Variants in LINGO2 observed in about 807,000 individuals in gnomAD.
LINGO2 encodes leucine-rich repeat and immunoglobulin-like domain-containing nogo receptor-interacting protein 2.
LINGO2 carries 14 observed loss-of-function variants against 30.6 expected under a neutral mutation model. The ratio of observed to expected loss-of-function variants is 0.46; its 90% confidence interval spans 0.30 to 0.72. LINGO2 has a LOEUF of 0.72. Among genes scored for constraint, LINGO2 ranks in the 30% least tolerant of loss-of-function variants. LINGO2 has a pLI of 0.07. For synonymous variants in LINGO2, 317 were observed against 288.5 expected, an observed-to-expected ratio of 1.10 and a Z score of -1.00; for missense variants, 729 against 751.7, an observed-to-expected ratio of 0.97 and a Z score of 0.35.
chr9:29,052,075 A>G, the LINGO2 span, among the ~76,000 whole-genome samples: 1 of 152,150 alleles, frequency 6.6e-6, no homozygotes, highest in Non-Finnish European at 1.5e-5. Context: ...CCTATGGTTC[A>G]ACTTAATACA....
the LINGO2 span, among the ~76,000 whole-genome samples, chr9:29,104,550 G>A: frequency 1.3e-5 from 2 of 152,148 alleles, no homozygotes; most frequent in East Asian, 3.9e-4. Flanking sequence ...CTTTATAGCA[G>A]CATGAGAATG....
chr9:28,434,961 C>T lies in LINGO2; in HGVS notation c.-279+40979G>A, dbSNP rs191751488. On this transcript the variant is annotated intron_variant, in intron 2 of 5. Coordinates refer to ENST00000379992, the Ensembl canonical transcript of LINGO2. The stretch of plus-strand genomic sequence containing the variant: ...TTAGAGTATTCCAGGCTCTCTCAAT[C>T]GACTATAACCTCTACATTTTTCTTC... Among the ~76,000 whole-genome samples the T allele has an allele frequency of 9.9e-5, 15 of 152,166 alleles. No individual in the cohort carries two copies. In the East Asian group the frequency reaches 1.4e-3, roughly 14 times the overall value.
chr9:28,877,819 T>C, the LINGO2 span, among the ~76,000 whole-genome samples: 1 of 152,182 alleles, frequency 6.6e-6, no homozygotes, highest in Non-Finnish European at 1.5e-5. Flanking sequence ...GGGGATGGCA[T>C]TGAATCTATA....
the LINGO2 span, among the ~76,000 whole-genome samples, chr9:28,815,190 A>G: frequency 6.6e-6 from 1 of 152,212 alleles, no homozygotes; most frequent in Non-Finnish European, 1.5e-5. Flanking sequence ...GCACCTCACA[A>G]CCCAACCAAG....
chr9:28,809,638 C>A, the LINGO2 span, among the ~76,000 whole-genome samples: 1 of 149,342 alleles, frequency 6.7e-6, no homozygotes, highest in Admixed American at 6.8e-5. Flanking sequence ...TCCAGCTACT[C>A]GGGAAGCTGA....
chr9:28,697,817 A>G, the LINGO2 span, among the ~76,000 whole-genome samples: 2 of 152,008 alleles, frequency 1.3e-5, no homozygotes, highest in Non-Finnish European at 2.9e-5. Context: ...TATTGCTGCA[A>G]TATTTTATAA....
chr9:28,363,013 T>C (rs1302191471), intron 3 of LINGO2, among the ~76,000 whole-genome samples: 1 of 152,142 alleles, frequency 6.6e-6, no homozygotes, highest in East Asian at 1.9e-4. Flanking sequence ...CTTCCCCTTC[T>C]CCAGCATAAT....
At chr9:28,075,575 A>C (rs75854806) in intron 4 of LINGO2, among the ~76,000 whole-genome samples, 4,398 of 152,044 alleles carry the variant, frequency 0.029, 121 homozygotes, top group Admixed American at 0.081. Flanking sequence ...TTTGTTAATA[A>C]AATTTTAAAA....
intron 4 of LINGO2, among the ~76,000 whole-genome samples, chr9:28,020,730 C>T (rs570953369): frequency 8.8e-4 from 134 of 152,102 alleles, no homozygotes; most frequent in Non-Finnish European, 1.7e-3. Context: ...CAGAGGTAAG[C>T]CTATTCAGAT....
At chr9:28,861,252 A>AATATTATATAAAATATATAATATTTAT in the LINGO2 span, among the ~76,000 whole-genome samples, 52 of 119,946 alleles carry the variant, frequency 4.3e-4, no homozygotes, top group African/African-American at 1.6e-3. Flanking sequence ...TTTTTTATAC[A>AATATTATATAAAATATATAATATTTAT]ATATTATATA....
chr9:28,299,466 T>C (rs1393901712), intron 3 of LINGO2, among the ~76,000 whole-genome samples: 1 of 152,026 alleles, frequency 6.6e-6, no homozygotes, highest in African/African-American at 2.4e-5. Context: ...TTTCTATTCA[T>C]TTAGTCTGAT....
chr9:28,398,227 C>G (rs10968560), intron 2 of LINGO2, among the ~76,000 whole-genome samples: 1 of 151,980 alleles, frequency 6.6e-6, no homozygotes, highest in Non-Finnish European at 1.5e-5. Flanking sequence ...ATGATATATA[C>G]GGGGACTCTG....
At chr9:28,768,438 T>C in the LINGO2 span, among the ~76,000 whole-genome samples, 1 of 152,178 alleles carries the variant, frequency 6.6e-6, no homozygotes, top group East Asian at 1.9e-4. Context: ...TGTAGCAGAC[T>C]GTTCCAGGGT....
At chr9:28,512,003 A>C (rs927915357) in intron 1 of LINGO2, among the ~76,000 whole-genome samples, 4 of 152,048 alleles carry the variant, frequency 2.6e-5, no homozygotes, top group Non-Finnish European at 5.9e-5. Flanking sequence ...ACTCCCCATG[A>C]GGTCATCAGT....
chr9:28,677,690 T>C, the LINGO2 span, among the ~76,000 whole-genome samples: 3 of 152,196 alleles, frequency 2.0e-5, no homozygotes, highest in African/African-American at 7.2e-5. Flanking sequence ...CATATTCATA[T>C]TCATTAAAGC....
chr9:28,912,898 A>C, the LINGO2 span, among the ~76,000 whole-genome samples: 1 of 152,148 alleles, frequency 6.6e-6, no homozygotes, highest in Non-Finnish European at 1.5e-5. Context: ...GATTGTGTGG[A>C]ATCTAGTGAA....
At chr9:28,762,108 G>A in the LINGO2 span, among the ~76,000 whole-genome samples, 7 of 151,976 alleles carry the variant, frequency 4.6e-5, no homozygotes, top group African/African-American at 4.8e-5. Flanking sequence ...TTGCATTCCT[G>A]CTTTCTAAAG....
Position 28,048,266 on chromosome 9 carries a change from A to G in LINGO2, c.-86-35861T>C, listed in dbSNP as rs543293987. On this transcript the variant is annotated intron_variant, in intron 4 of 5. Coordinates refer to ENST00000379992, the Ensembl canonical transcript of LINGO2. ...GAAACTCGGGAAACACATTGCCCCA[A>G]CTAAATCTATAAATACAGAAAGCCT... Among the ~76,000 whole-genome samples the G allele has an allele frequency of 8.1e-4, 122 of 151,164 alleles. 4 individuals are homozygous for G. Among genetic ancestry groups the G allele is most frequent in the African/African-American group, 2.9e-3 (120 of 41,016 alleles).
At chr9:28,696,939 C>T in the LINGO2 span, among the ~76,000 whole-genome samples, 1 of 151,666 alleles carries the variant, frequency 6.6e-6, no homozygotes, top group African/African-American at 2.4e-5. Context: ...GGCATACTTA[C>T]TTTGCTTCTA....
Sources: allele counts gnomAD v4.1 joint callset (sites outside exome capture counted in the v4.1 genomes callset), GRCh38; gene constraint gnomAD v4.1.1; transcripts MANE v1.5; gene names NCBI Gene and HGNC (gene_info 2026-07-23, HGNC 2026-07-21).